The following SHISA9 variants were observed in gnomAD, a reference collection of about 807,000 sequenced individuals.
The protein encoded by SHISA9 is shisa family member 9.
SHISA9 carries 13 observed loss-of-function variants against 38.0 expected under a neutral mutation model. That is an observed-to-expected ratio of 0.34 (90% confidence interval 0.22 to 0.54). The LOEUF is 0.54. SHISA9 is among the 20% of genes least tolerant of loss of function. The pLI, the probability that SHISA9 is intolerant of heterozygous loss-of-function variation, is 0.91. For missense variants in SHISA9, 538 were observed against 575.8 expected (o/e 0.93, Z 0.67); for synonymous variants, 275 against 242.0 (o/e 1.14, Z -1.27).
chr16:13,423,955 C>T, the SHISA9 span, among the ~76,000 whole-genome samples: 1 of 152,192 alleles, frequency 6.6e-6, no homozygotes, highest in Non-Finnish European at 1.5e-5. Context: ...ATCTTTATGT[C>T]AGGAAGAGCT....
Position 13,043,406 on chromosome 16 carries a change from C to T in SHISA9, c.691+126591C>T, listed in dbSNP as rs535106456. On this transcript the variant is annotated intron_variant, in intron 2 of 4. Transcript: ENST00000558583. ...GGCTTAGTAAACAGCTAGCTACTTCCCACCACGGGAGGGTATTTGTGGTTT... is the reference window on the plus strand; with the variant it reads ...GGCTTAGTAAACAGCTAGCTACTTCTCACCACGGGAGGGTATTTGTGGTTT... Among the ~76,000 whole-genome samples the T allele has an allele frequency of 1.2e-3, 176 of 152,286 alleles. 3 individuals carry two copies. The highest frequency in any genetic ancestry group is 3.9e-3 in the African/African-American group (163 of 41,570).
the SHISA9 span, among the ~76,000 whole-genome samples, chr16:13,294,378 A>G: frequency 6.6e-6 from 1 of 152,188 alleles, no homozygotes. Context: ...CCATAGCTGA[A>G]GAAGCCCTGC....
chr16:12,968,543 A>C (rs2072011497), intron 2 of SHISA9, among the ~76,000 whole-genome samples: 1 of 152,220 alleles, frequency 6.6e-6, no homozygotes. Context: ...TGAATAAATA[A>C]ATTGCTTTGT....
the SHISA9 span, among the ~76,000 whole-genome samples, chr16:13,313,794 C>G: frequency 6.6e-6 from 1 of 152,188 alleles, no homozygotes; most frequent in Non-Finnish European, 1.5e-5. Flanking sequence ...CTACAGCTCT[C>G]TGGATGGTGG....
chr16:13,495,765 A>T, the SHISA9 span, among the ~76,000 whole-genome samples: 1 of 152,190 alleles, frequency 6.6e-6, no homozygotes, highest in African/African-American at 2.4e-5. Context: ...ATATGAAAAC[A>T]TGGCAAGGAA....
At chr16:12,996,814 A>G (rs1250252925) in intron 2 of SHISA9, among the ~76,000 whole-genome samples, 1 of 152,168 alleles carries the variant, frequency 6.6e-6, no homozygotes, top group Non-Finnish European at 1.5e-5. Context: ...GGTGAATAAT[A>G]TTTTAATTTT....
intron 2 of SHISA9, among the ~76,000 whole-genome samples, chr16:13,146,682 A>C (rs2050450033): frequency 6.6e-6 from 1 of 152,234 alleles, no homozygotes; most frequent in Non-Finnish European, 1.5e-5. Flanking sequence ...AAGCAACAGA[A>C]GTACAAAAAG....
At position 13,075,792 on chromosome 16, in the gene SHISA9, G is replaced by C. The variant is rs149165810; in HGVS notation, c.692-127602G>C. Among the ~76,000 whole-genome samples the C allele has an allele frequency of 6.1e-3, 935 of 152,282 alleles. 10 individuals carry two copies. The highest frequency in any genetic ancestry group is 0.021 in the African/African-American group (884 of 41,560). ...CTGATAAAGATCACACAGCTGGTAA[G>C]ACAGAAGCAGGATGTGTCTAACTCA... On this transcript the variant is annotated intron_variant, in intron 2 of 4. Coordinates refer to ENST00000558583, the MANE Select transcript of SHISA9 (RefSeq NM_001145204.3).
intron 2 of SHISA9, among the ~76,000 whole-genome samples, chr16:13,002,534 T>C (rs1001069347): frequency 2.5e-5 from 2 of 80,332 alleles, no homozygotes; most frequent in African/African-American, 4.5e-5. Flanking sequence ...GGTTCCTGTC[T>C]TTTTTTTTTT....
the SHISA9 span, among the ~76,000 whole-genome samples, chr16:13,524,690 C>T: frequency 4.1e-4 from 62 of 152,094 alleles, no homozygotes; most frequent in African/African-American, 1.4e-3. Flanking sequence ...TCCTGAGTAG[C>T]GGGGACTACA....
the SHISA9 span, among the ~76,000 whole-genome samples, chr16:13,431,737 A>G: frequency 2.6e-5 from 4 of 152,180 alleles, no homozygotes; most frequent in Non-Finnish European, 5.9e-5. Flanking sequence ...CTGGAGAATT[A>G]AGACCTGTAA....
At chr16:13,413,012 G>C in the SHISA9 span, among the ~76,000 whole-genome samples, 8 of 152,034 alleles carry the variant, frequency 5.3e-5, no homozygotes, top group South Asian at 2.1e-4. Context: ...TGAATAAAAT[G>C]GTATAACAGA....
the SHISA9 span, among the ~76,000 whole-genome samples, chr16:13,553,235 C>T: frequency 6.6e-6 from 1 of 152,130 alleles, no homozygotes; most frequent in Admixed American, 6.5e-5. Context: ...ATTCATTTCC[C>T]CATTCTGTAA....
intron 2 of SHISA9, among the ~76,000 whole-genome samples, chr16:13,187,802 G>A (rs562693876): frequency 1.2e-4 from 19 of 152,284 alleles, no homozygotes; most frequent in African/African-American, 4.6e-4. Flanking sequence ...GTTGTGAGTG[G>A]ACAAAATGTA....
the SHISA9 span, among the ~76,000 whole-genome samples, chr16:13,561,264 G>C: frequency 6.6e-6 from 1 of 152,174 alleles, no homozygotes; most frequent in Non-Finnish European, 1.5e-5. Flanking sequence ...AGAAGCGTTT[G>C]GCTTTTTCCA....
chr16:13,053,911 GGC>G (rs2073281408), intron 2 of SHISA9, among the ~76,000 whole-genome samples: 1 of 152,182 alleles, frequency 6.6e-6, no homozygotes, highest in African/African-American at 2.4e-5. Flanking sequence ...AAAGCAATGA[GGC>G]CAAGAAGCCC....
the SHISA9 span, among the ~76,000 whole-genome samples, chr16:13,530,877 CA>C: frequency 6.6e-6 from 1 of 152,164 alleles, no homozygotes; most frequent in Non-Finnish European, 1.5e-5. Flanking sequence ...GCCAATGAGA[CA>C]AGAACAGGCG....
At chr16:12,957,421 G>A (rs1025613608) in intron 2 of SHISA9, among the ~76,000 whole-genome samples, 1 of 152,164 alleles carries the variant, frequency 6.6e-6, no homozygotes, top group African/African-American at 2.4e-5. Context: ...TGCCAGCGTG[G>A]TTGGGTTCTG....
chr16:13,326,826 T>C, the SHISA9 span, among the ~76,000 whole-genome samples: 1 of 152,210 alleles, frequency 6.6e-6, no homozygotes, highest in African/African-American at 2.4e-5. Flanking sequence ...AAAAGTGATA[T>C]GGTTGAGATA....
Sources: allele counts gnomAD v4.1 joint callset (sites outside exome capture counted in the v4.1 genomes callset), GRCh38; gene constraint gnomAD v4.1.1; transcripts MANE v1.5; gene names NCBI Gene and HGNC (gene_info 2026-07-23, HGNC 2026-07-21).